The following ARSF variants were observed in gnomAD, a reference collection of about 807,000 sequenced individuals.
ARSF encodes arylsulfatase F.
In ARSF, 33 loss-of-function variants were observed where a neutral mutation model predicts 35.4. The ratio of observed to expected loss-of-function variants is 0.93; its 90% CI spans 0.71 to 1.25. The LOEUF (loss-of-function observed/expected upper bound fraction) is 1.25, where lower values mean the gene tolerates loss of function less well. Among genes scored for constraint, ARSF ranks in the 50% most tolerant of loss-of-function variants. The pLI is 0.00. For synonymous variants in ARSF, 222 were observed against 193.1 expected (o/e 1.15, Z -1.24); for missense variants, 501 against 480.2 (o/e 1.04, Z -0.40).
At position 3,041,642 on chromosome X, in the gene ARSF, AC is replaced by A. The variant is rs2089956159; in HGVS notation, c.-48del. 9.0e-6 allele frequency: 1 copy of A among 111,576 alleles called. No homozygotes were observed. Among genetic ancestry groups the A allele is most frequent in the South Asian group, 3.7e-4 (1 of 2,695 alleles). 9.2% of individuals were successfully genotyped at this position (111,576 alleles called of 1,213,427 possible). A position where few individuals can be genotyped will look rare whatever the true frequency, so the allele number is the denominator to read the frequency against. ...AGATAGAAGTCACTGTTGGGATCCA[AC>A]CTTTTTGTTTGTATAAACTGGTGAG... On this transcript the variant is annotated 5_prime_UTR_variant, in exon 1 of 11. Coordinates refer to ENST00000381127, the MANE Select transcript of ARSF (RefSeq NM_001201539.2).
chrX:3,076,530 T>C lies in ARSF; in HGVS notation c.162-18T>C. 1 of 1,180,467 alleles carries C rather than the reference T, an allele frequency of 8.5e-7. No homozygotes were observed. ...ACCTTTTCCTTCTCTCCAATACACC[T>C]TCCCTCTCCCCCTTCAGGACGCCTC... On this transcript the variant is annotated intron_variant, in intron 3 of 10. Coordinates refer to ENST00000381127, the MANE Select transcript of ARSF (RefSeq NM_001201539.2).
chrX:3,071,284 A>G (rs889237375), intron 2 of ARSF, among the ~76,000 whole-genome samples: 1 of 109,951 alleles, frequency 9.1e-6, no homozygotes, highest in Non-Finnish European at 1.9e-5. Context: ...TGCGTGTGCA[A>G]GTGTCTTTTG....
Position 3,076,702 on chromosome X carries a change from C to T in ARSF, c.283+33C>T, listed in dbSNP as rs138548530. On this transcript the variant is annotated intron_variant, in intron 4 of 10. Coordinates refer to ENST00000381127, the MANE Select transcript of ARSF (RefSeq NM_001201539.2). ...AACTGGCGGGCTCTGCTGGGCTCTG[C>T]CCTCATGTTAGGATGTGAGGAAACA... 5.3e-4 allele frequency: 637 copies of T among 1,195,268 alleles called. 6 individuals are homozygous for T. In the African/African-American group the frequency reaches 0.01, roughly 19 times the overall value.
At chrX:3,052,600 AG>A (rs1179636931) in intron 1 of ARSF, among the ~76,000 whole-genome samples, 1 of 109,421 alleles carries the variant, frequency 9.1e-6, no homozygotes, top group Non-Finnish European at 1.9e-5. Flanking sequence ...AGGCTGAGGC[AG>A]GAGGATCACT....
At chrX:3,054,874 C>T (rs1053341024) in intron 1 of ARSF, among the ~76,000 whole-genome samples, 2 of 108,240 alleles carry the variant, frequency 1.8e-5, no homozygotes, top group Non-Finnish European at 3.8e-5. Context: ...GCTAGGATTA[C>T]AGGCATGTGC....
intron 3 of ARSF, 48 bp from the exon 4 acceptor site, chrX:3,076,500 C>T: frequency 8.7e-7 from 1 of 1,153,756 alleles, no homozygotes. Context: ...CTTCCCCCGC[C>T]CCCCACCTTT....
chrX:3,084,109 G>C, intron 5 of ARSF, 134 bp from the exon 6 acceptor site: 1 of 790,019 alleles, frequency 1.3e-6, no homozygotes, highest in Non-Finnish European at 1.8e-6. Flanking sequence ...TTTAGAGGAA[G>C]GAGAATATCT....
intron 6 of ARSF, among the ~76,000 whole-genome samples, chrX:3,087,730 A>G (rs866995382): frequency 2.7e-5 from 3 of 111,641 alleles, no homozygotes; most frequent in Non-Finnish European, 5.6e-5. Context: ...GTGGCTCCAG[A>G]TGCCCCTTGG....
At chrX:3,109,185 G>A (rs1000476999) in intron 9 of ARSF, among the ~76,000 whole-genome samples, 1 of 110,798 alleles carries the variant, frequency 9.0e-6, no homozygotes, top group Non-Finnish European at 1.9e-5. Context: ...TGGGTGTGGC[G>A]GCACATGCTT....
intron 4 of ARSF, among the ~76,000 whole-genome samples, chrX:3,077,422 T>C (rs758119120): frequency 2.7e-5 from 3 of 111,818 alleles, no homozygotes; most frequent in Non-Finnish European, 5.6e-5. Flanking sequence ...GTGGATCACT[T>C]GAGGTCAGGA....
rs560556563 is a variant in ARSF, at chrX:3,104,677, G to A, written c.1265+753G>A. On this transcript the variant is annotated intron_variant, in intron 9 of 10. Coordinates refer to ENST00000381127, the MANE Select transcript of ARSF (RefSeq NM_001201539.2). Reference sequence around the variant, plus strand: ...AAAACAGATAAAGCAAATTACAACCGAAAATAGAGATGGACAGATTTATAA... The same window carrying A: ...AAAACAGATAAAGCAAATTACAACCAAAAATAGAGATGGACAGATTTATAA... 6.1e-3 allele frequency among the ~76,000 whole-genome samples: 685 copies of A among 111,887 alleles called. 3 individuals carry two copies. Among genetic ancestry groups the A allele is most frequent in the Non-Finnish European group, 9.9e-3 (525 of 53,156 alleles).
Position 3,110,205 on chromosome X carries a change from A to G in ARSF, c.1343A>G (p.Tyr448Cys). 2 of 1,202,734 alleles carry G rather than the reference A, an allele frequency of 1.7e-6. No homozygotes were observed. Among genetic ancestry groups the G allele is most frequent in the South Asian group, 1.8e-5 (1 of 55,445 alleles). Residue 448 changes from tyrosine to cysteine, a missense_variant, in exon 10 of 11, where the codon TAC (tyrosine) becomes TGC (cysteine). Physicochemically the swap from Tyr to Cys is radical, Grantham distance 194. Coordinates refer to ENST00000381127, the MANE Select transcript of ARSF (RefSeq NM_001201539.2). ...TCGGAGCATGAATTTCTTTTCCACT[A>G]CTGTGGCTCCTACCTGCACGCCGTG... ...RHSEHEFLFH[Y>C]CGSYLHAVRW... is the part of the protein sequence containing the mutation.
Position 3,068,053 on chromosome X carries a change from G to C in ARSF, c.-28-20G>C. 9.0e-7 allele frequency: 1 copy of C among 1,110,165 alleles called. No homozygotes were observed. The highest frequency in any genetic ancestry group is 1.2e-6 in the Non-Finnish European group (1 of 831,071). The allele number at this position is 1,110,165 out of a possible 1,213,427, so 91.5% of individuals were successfully genotyped here. A position where few individuals can be genotyped will look rare whatever the true frequency, so the allele number is the denominator to read the frequency against. On this transcript the variant is annotated intron_variant, in intron 1 of 10. Transcript: ENST00000381127. ...TTTTTTTTTTGGTCTTTTAAATCACGTCTGTGTCTTCTGCCAAAGACAACA... is the reference window on the plus strand; with the variant it reads ...TTTTTTTTTTGGTCTTTTAAATCACCTCTGTGTCTTCTGCCAAAGACAACA...
chrX:3,102,858 G>A (rs1308657754), intron 8 of ARSF, among the ~76,000 whole-genome samples: 1 of 109,844 alleles, frequency 9.1e-6, no homozygotes, highest in Admixed American at 9.7e-5. Flanking sequence ...GTTGCAGTGA[G>A]CCGCGATAGC....
In ARSF at chrX:3,110,234, TGGATCCCCAA is replaced by T; in HGVS notation, c.1376_1385del (p.Ile459ThrfsTer12). 2 of 1,186,668 alleles carry T rather than the reference TGGATCCCCAA, an allele frequency of 1.7e-6. No individual in the cohort carries two copies. Among genetic ancestry groups the T allele is most frequent in the Non-Finnish European group, 2.3e-6 (2 of 882,227 alleles). ...TGGCTCCTACCTGCACGCCGTGCGG[TGGATCCCCAA>T]GGACGACAGTGAGTGCTCAACCCGT... On this transcript the variant is annotated frameshift_variant, in exon 10 of 11. Transcript: ENST00000381127. LOFTEE classifies it low-confidence loss of function (END_TRUNC).
At chrX:3,091,356 T>A (rs983617000) in intron 7 of ARSF, among the ~76,000 whole-genome samples, 2 of 112,787 alleles carry the variant, frequency 1.8e-5, no homozygotes, top group Admixed American at 9.4e-5. Context: ...AGTACCCTCA[T>A]GAACTCATCC....
At position 3,059,044 on chromosome X, in the gene ARSF, G is replaced by C. The variant is rs182363263; in HGVS notation, c.-28-9029G>C. 6.2e-4 allele frequency among the ~76,000 whole-genome samples: 69 copies of C among 112,011 alleles called. 2 individuals are homozygous for C. The East Asian group carries it at 0.016, about 27-fold the overall frequency. ...TTGAGAGAGTCCTGGAAGCTGGGAG[G>C]AGAGGAATCTGTAGAAAGCAGAGTC... On this transcript the variant is annotated intron_variant, in intron 1 of 10. Coordinates refer to ENST00000381127, the MANE Select transcript of ARSF (RefSeq NM_001201539.2).
At chrX:3,075,608 ATTTC>A (rs2090140686) in intron 3 of ARSF, among the ~76,000 whole-genome samples, 1 of 92,556 alleles carries the variant, frequency 1.1e-5, no homozygotes, top group African/African-American at 4.1e-5. Flanking sequence ...CATTCTATCC[ATTTC>A]TTTCTATCTC....
At chrX:3,063,422 C>T (rs1324678180) in intron 1 of ARSF, among the ~76,000 whole-genome samples, 1 of 111,648 alleles carries the variant, frequency 9.0e-6, no homozygotes, top group Non-Finnish European at 1.9e-5. Flanking sequence ...TTTCACCACT[C>T]CTATTCAACA....
Sources: gnomAD v4.1 joint callset for allele counts (sites outside exome capture counted in the v4.1 genomes callset) on GRCh38, gnomAD v4.1.1 for gene constraint, MANE v1.5 for transcripts, NCBI Gene and HGNC (gene_info 2026-07-23, HGNC 2026-07-21) for gene names.